The following REDIC1 variants were observed in gnomAD, a reference collection of about 807,000 sequenced individuals.
REDIC1 encodes regulator of DNA class I crossover intermediates 1, also known as HEI10 Interacting Protein 1.
chr12:39,696,477 A>G, the REDIC1 span, among the ~76,000 whole-genome samples: 4 of 128,964 alleles, frequency 3.1e-5, no homozygotes, highest in Non-Finnish European at 6.4e-5. Context: ...CGGGAGGCGG[A>G]GCTTGCAGTG....
the REDIC1 span, among the ~76,000 whole-genome samples, chr12:39,870,698 C>A: frequency 6.6e-6 from 1 of 152,138 alleles, no homozygotes; most frequent in Non-Finnish European, 1.5e-5. Context: ...GCCCCTTAAT[C>A]AGACAATCTC....
chr12:39,789,197 T>A, the REDIC1 span, among the ~76,000 whole-genome samples: 1 of 152,054 alleles, frequency 6.6e-6, no homozygotes, highest in African/African-American at 2.4e-5. Flanking sequence ...CCATCATGAG[T>A]TCTGTGTTAT....
chr12:39,689,858 A>G, the REDIC1 span, among the ~76,000 whole-genome samples: 1 of 152,242 alleles, frequency 6.6e-6, no homozygotes, highest in Admixed American at 6.5e-5. Flanking sequence ...TAATACTTCA[A>G]AAACAAATTC....
At chr12:39,665,555 G>A in the REDIC1 span, among the ~76,000 whole-genome samples, 47 of 150,092 alleles carry the variant, frequency 3.1e-4, 1 homozygote, top group African/African-American at 9.1e-4. Context: ...TGGCGATGCG[G>A]GCTCTTTTTT....
the REDIC1 span, among the ~76,000 whole-genome samples, chr12:39,814,619 C>G: frequency 6.6e-6 from 1 of 152,114 alleles, no homozygotes. Context: ...TGGAAAAGCA[C>G]ATTTTAAAGA....
the REDIC1 span, among the ~76,000 whole-genome samples, chr12:39,695,001 AGAAGGACACCTATATCCTTGAAGG>A: frequency 9.9e-5 from 15 of 152,192 alleles, 1 homozygote; most frequent in African/African-American, 3.6e-4. Context: ...TCCTTGGGTG[AGAAGGACACCTATATCCTTGAAGG>A]GAAGGACCCA....
chr12:39,903,207 C>T, the REDIC1 span, among the ~76,000 whole-genome samples: 2 of 152,056 alleles, frequency 1.3e-5, no homozygotes, highest in Non-Finnish European at 2.9e-5. Context: ...TACATCTATC[C>T]TATGAATTTA....
At chr12:39,794,980 T>G in the REDIC1 span, among the ~76,000 whole-genome samples, 1 of 152,214 alleles carries the variant, frequency 6.6e-6, no homozygotes, top group Non-Finnish European at 1.5e-5. Flanking sequence ...TCTTTGCTGT[T>G]CAGCAGTCTC....
the REDIC1 span, among the ~76,000 whole-genome samples, chr12:39,899,453 T>A: frequency 6.6e-6 from 1 of 152,184 alleles, no homozygotes; most frequent in African/African-American, 2.4e-5. Context: ...ATTAACTTTT[T>A]AAAGGGTTTT....
At chr12:39,712,270 A>G in the REDIC1 span, among the ~76,000 whole-genome samples, 4 of 143,336 alleles carry the variant, frequency 2.8e-5, no homozygotes, top group South Asian at 2.2e-4. Context: ...ATATGTATAT[A>G]TACATGTATA....
chr12:39,693,701 A>G, the REDIC1 span, among the ~76,000 whole-genome samples: 1 of 152,102 alleles, frequency 6.6e-6, no homozygotes, highest in Non-Finnish European at 1.5e-5. Flanking sequence ...TGCCCTATTG[A>G]TGGACATTTG....
chr12:39,855,608 C>T, the REDIC1 span, among the ~76,000 whole-genome samples: 1 of 152,192 alleles, frequency 6.6e-6, no homozygotes, highest in Non-Finnish European at 1.5e-5. Flanking sequence ...TTTTAAATCT[C>T]AATACCCCAG....
At chr12:39,681,721 A>T in the REDIC1 span, among the ~76,000 whole-genome samples, 1 of 152,200 alleles carries the variant, frequency 6.6e-6, no homozygotes, top group East Asian at 1.9e-4. Flanking sequence ...TCTCTCTTTA[A>T]CAACAAGCTG....
At chr12:39,650,300 T>A in the REDIC1 span, 5 of 1,612,100 alleles carry the variant, frequency 3.1e-6, no homozygotes, top group Non-Finnish European at 4.2e-6. The surrounding 1 kb of genome is among the most constrained non-coding windows in gnomAD (Gnocchi z 4.3). Flanking sequence ...CAAGATGTTT[T>A]CAGTCCATCA....
chr12:39,829,032 C>CT, the REDIC1 span, among the ~76,000 whole-genome samples: 2 of 152,034 alleles, frequency 1.3e-5, no homozygotes, highest in Admixed American at 1.3e-4. Flanking sequence ...AGACACAATA[C>CT]TTTATTACAG....
At chr12:39,839,661 T>C in the REDIC1 span, among the ~76,000 whole-genome samples, 2 of 152,094 alleles carry the variant, frequency 1.3e-5, no homozygotes, top group Non-Finnish European at 2.9e-5. Flanking sequence ...CATCTTCATC[T>C]TTTCTTTCTC....
the REDIC1 span, among the ~76,000 whole-genome samples, chr12:39,779,797 C>G: frequency 1.3e-5 from 2 of 152,234 alleles, no homozygotes; most frequent in East Asian, 3.9e-4. Flanking sequence ...TCATCCTAAG[C>G]TTTAAAAATT....
chr12:39,818,494 C>A, the REDIC1 span, among the ~76,000 whole-genome samples: 8 of 152,136 alleles, frequency 5.3e-5, no homozygotes, highest in East Asian at 1.3e-3. Flanking sequence ...TAATTACCTT[C>A]TTTGTTTAAC....
At chr12:39,643,691 C>T in the REDIC1 span, 1 of 950,264 alleles carries the variant, frequency 1.1e-6, no homozygotes, top group East Asian at 2.8e-5. Flanking sequence ...AAGTCAATGA[C>T]TTAATAACAT....
Sources: gnomAD v4.1 joint callset for allele counts (sites outside exome capture counted in the v4.1 genomes callset) on GRCh38, gnomAD v4.1.1 for gene constraint, Gnocchi (gnomAD v3.1) non-coding constraint, MANE v1.5 for transcripts, NCBI Gene and HGNC (gene_info 2026-07-23, HGNC 2026-07-21) for gene names.